Variants in LRP1B observed in about 807,000 individuals in gnomAD.
LRP1B encodes the protein LDL receptor related protein 1B, also known as low-density lipoprotein receptor-related protein 1B.
A neutral mutation model predicts 556.6 loss-of-function variants in LRP1B; 217 were observed. That is an observed-to-expected ratio of 0.39 (90% CI 0.35 to 0.44). The LOEUF (loss-of-function observed/expected upper bound fraction) is 0.44, where lower values mean the gene tolerates loss of function less well. Ranked by LOEUF, LRP1B falls within the 20% of genes least tolerant of loss-of-function variation. LRP1B has a pLI of 1.00. For synonymous variants in LRP1B, 2,047 were observed against 1,865.8 expected, an observed-to-expected ratio of 1.10 and a Z score of -2.50; for missense variants, 5,053 against 5,620.8, an observed-to-expected ratio of 0.90 and a Z score of 3.23.
chr2:140,268,270 A>G (rs978717776), intron 86 of LRP1B, among the ~76,000 whole-genome samples: 2 of 151,910 alleles, frequency 1.3e-5, no homozygotes, highest in Non-Finnish European at 2.9e-5. Context: ...GCAATGCCCA[A>G]GTTCAAGCCC....
At chr2:140,561,603 G>A (rs1296743234) in intron 43 of LRP1B, among the ~76,000 whole-genome samples, 1 of 151,984 alleles carries the variant, frequency 6.6e-6, no homozygotes, top group African/African-American at 2.4e-5. Flanking sequence ...TTTTCAGCCC[G>A]ACAGAATGAA....
At chr2:141,153,852 T>C (rs537479231) in intron 7 of LRP1B, among the ~76,000 whole-genome samples, 135 of 150,984 alleles carry the variant, frequency 8.9e-4, no homozygotes, top group African/African-American at 3.2e-3. Context: ...TGGGAAACAA[T>C]AAGGAAGTAA....
At chr2:140,244,351 T>C (rs1266518336) in intron 87 of LRP1B, among the ~76,000 whole-genome samples, 1 of 151,312 alleles carries the variant, frequency 6.6e-6, no homozygotes, top group African/African-American at 2.4e-5. Flanking sequence ...ATTGTCACTA[T>C]AGTAAAATAC....
intron 1 of LRP1B, among the ~76,000 whole-genome samples, chr2:141,872,205 G>A (rs925318880): frequency 1.3e-5 from 2 of 151,910 alleles, no homozygotes; most frequent in Admixed American, 6.6e-5. Flanking sequence ...CGAAGGTAAA[G>A]AATAAATATT....
intron 7 of LRP1B, among the ~76,000 whole-genome samples, chr2:141,115,914 A>C (rs1289344040): frequency 1.3e-5 from 2 of 152,142 alleles, no homozygotes; most frequent in African/African-American, 4.8e-5. Flanking sequence ...TTACATCCTA[A>C]AACAACATGA....
At chr2:140,895,936 G>T (rs1314780243) in intron 23 of LRP1B, among the ~76,000 whole-genome samples, 2 of 152,084 alleles carry the variant, frequency 1.3e-5, no homozygotes, top group African/African-American at 4.8e-5. Context: ...AGTACAGGAT[G>T]GAGGTGGGGG....
At chr2:140,291,318 A>ATTTT (rs1553440648) in intron 84 of LRP1B, among the ~76,000 whole-genome samples, 22 of 109,322 alleles carry the variant, frequency 2.0e-4, no homozygotes, top group African/African-American at 6.2e-4. Context: ...ATATATATAT[A>ATTTT]TTTTTATTAT....
intron 1 of LRP1B, among the ~76,000 whole-genome samples, chr2:142,056,099 C>T (rs1231415691): frequency 2.0e-5 from 3 of 151,898 alleles, no homozygotes; most frequent in African/African-American, 4.8e-5. Flanking sequence ...TGCAGTGAGC[C>T]GAGACTGCGC....
At chr2:141,370,511 G>C (rs909583670) in intron 3 of LRP1B, among the ~76,000 whole-genome samples, 1 of 152,000 alleles carries the variant, frequency 6.6e-6, no homozygotes, top group Non-Finnish European at 1.5e-5. Flanking sequence ...GTTGTTTTTT[G>C]TTGAGTTGTT....
chr2:141,977,796 G>T (rs1366113652), intron 1 of LRP1B, among the ~76,000 whole-genome samples: 3 of 152,088 alleles, frequency 2.0e-5, no homozygotes, highest in East Asian at 3.9e-4. Flanking sequence ...ACTGTACAGT[G>T]TGAAGTGAAA....
intron 2 of LRP1B, among the ~76,000 whole-genome samples, chr2:141,758,711 T>C (rs952075974): frequency 6.6e-6 from 1 of 152,154 alleles, no homozygotes; most frequent in African/African-American, 2.4e-5. Flanking sequence ...AGGAAATTTA[T>C]ACTCTAGTGC....
chr2:140,401,936 CT>C (rs1436201003), intron 66 of LRP1B, among the ~76,000 whole-genome samples: 1 of 152,222 alleles, frequency 6.6e-6, no homozygotes, highest in East Asian at 1.9e-4. Context: ...AGCACACTAT[CT>C]GTAACTAAGG....
intron 1 of LRP1B, among the ~76,000 whole-genome samples, chr2:141,820,600 G>C (rs780387392): frequency 6.6e-6 from 1 of 152,152 alleles, no homozygotes; most frequent in Admixed American, 6.5e-5. Context: ...AGTATAACAT[G>C]ATTTTTAATC....
chr2:141,226,011 A>G (rs938410165), intron 6 of LRP1B, among the ~76,000 whole-genome samples: 1 of 152,052 alleles, frequency 6.6e-6, no homozygotes, highest in African/African-American at 2.4e-5. Flanking sequence ...AAAAGTTGAG[A>G]CCTACGGGCA....
At chr2:140,247,712 G>A (rs2104900477) in intron 86 of LRP1B, among the ~76,000 whole-genome samples, 1 of 151,618 alleles carries the variant, frequency 6.6e-6, no homozygotes, top group East Asian at 1.9e-4. Context: ...GAAGTCAAGA[G>A]AATGTGCCCA....
chr2:140,665,173 T>G (rs1350875328), intron 41 of LRP1B, among the ~76,000 whole-genome samples: 1 of 152,198 alleles, frequency 6.6e-6, no homozygotes, highest in East Asian at 1.9e-4. Flanking sequence ...AATTGCACAA[T>G]GTCAAAATGC....
intron 3 of LRP1B, among the ~76,000 whole-genome samples, chr2:141,338,366 G>A (rs142502875): frequency 0.012 from 1,785 of 152,200 alleles, 23 homozygotes; most frequent in Middle Eastern, 0.02. Context: ...ACCCTTTCCC[G>A]CTTCTCTAGC....
intron 60 of LRP1B, among the ~76,000 whole-genome samples, chr2:140,460,100 T>G (rs1044615391): frequency 2.0e-5 from 3 of 152,158 alleles, no homozygotes; most frequent in Admixed American, 1.3e-4. Context: ...ATGAGGAAAC[T>G]TAGATGTGGA....
chr2:141,371,062 C>T (rs565420594), intron 3 of LRP1B, among the ~76,000 whole-genome samples: 1 of 152,222 alleles, frequency 6.6e-6, no homozygotes, highest in South Asian at 2.1e-4. Flanking sequence ...CGGCTCACTG[C>T]AACCGCTGCC....
Sources: allele counts gnomAD v4.1 joint callset (sites outside exome capture counted in the v4.1 genomes callset), GRCh38; gene constraint gnomAD v4.1.1; transcripts MANE v1.5; gene names NCBI Gene and HGNC (gene_info 2026-07-23, HGNC 2026-07-21).